Variants in C8orf34 observed in about 807,000 individuals in gnomAD.
C8orf34 encodes the protein chromosome 8 open reading frame 34.
In C8orf34, 65 loss-of-function variants were observed where a neutral mutation model predicts 68.3. The observed-to-expected ratio is 0.95, with a 90% CI of 0.78 to 1.17. The LOEUF (loss-of-function observed/expected upper bound fraction) is 1.17, where lower values mean the gene tolerates loss of function less well. Among genes scored for constraint, C8orf34 ranks in the 50% most tolerant of loss-of-function variants. C8orf34 has a pLI of 0.00. For synonymous variants in C8orf34, 244 were observed against 241.2 expected (o/e 1.01, Z -0.11); for missense variants, 664 against 655.4 (o/e 1.01, Z -0.14).
At chr8:68,694,545 C>G (rs893140933) in intron 8 of C8orf34, among the ~76,000 whole-genome samples, 2 of 152,040 alleles carry the variant, frequency 1.3e-5, no homozygotes, top group African/African-American at 4.8e-5. Context: ...AATTTAACAG[C>G]AATAGCACTG....
chr8:68,516,025 G>A (rs560946783), intron 5 of C8orf34, among the ~76,000 whole-genome samples: 2 of 152,302 alleles, frequency 1.3e-5, no homozygotes, highest in South Asian at 4.1e-4. Context: ...CATCTAATGT[G>A]TTTGTGTAAC....
chr8:68,760,637 A>G (rs1393847305), intron 10 of C8orf34, among the ~76,000 whole-genome samples: 1 of 152,254 alleles, frequency 6.6e-6, no homozygotes, highest in Non-Finnish European at 1.5e-5. Flanking sequence ...GAGCCTAACA[A>G]AGGATTTCAT....
chr8:68,527,435 G>A (rs895603091), intron 6 of C8orf34, among the ~76,000 whole-genome samples: 1 of 152,142 alleles, frequency 6.6e-6, no homozygotes, highest in Non-Finnish European at 1.5e-5. Flanking sequence ...AGCCGGGCGT[G>A]GTGGTGGGCG....
chr8:68,416,511 A>T (rs1008656029), intron 1 of C8orf34, among the ~76,000 whole-genome samples: 4 of 128,976 alleles, frequency 3.1e-5, no homozygotes, highest in Admixed American at 7.9e-5. Flanking sequence ...TATTAAACAT[A>T]CATTTATTTA....
intron 10 of C8orf34, among the ~76,000 whole-genome samples, chr8:68,741,893 T>C (rs951086555): frequency 6.6e-6 from 1 of 152,214 alleles, no homozygotes; most frequent in Non-Finnish European, 1.5e-5. Context: ...TTTAGGTTTA[T>C]AGAATTTCAA....
At chr8:68,515,865 A>G (rs1814489594) in intron 5 of C8orf34, among the ~76,000 whole-genome samples, 1 of 152,250 alleles carries the variant, frequency 6.6e-6, no homozygotes, top group Non-Finnish European at 1.5e-5. Context: ...TGTATGAATC[A>G]GTTCACACTA....
intron 10 of C8orf34, among the ~76,000 whole-genome samples, chr8:68,762,482 C>T (rs1039100428): frequency 1.3e-5 from 2 of 152,204 alleles, no homozygotes; most frequent in African/African-American, 4.8e-5. Flanking sequence ...TTACACTATA[C>T]ATGTTACAAG....
At chr8:68,614,472 T>C (rs1338956126) in intron 7 of C8orf34, among the ~76,000 whole-genome samples, 2 of 152,118 alleles carry the variant, frequency 1.3e-5, no homozygotes, top group Non-Finnish European at 2.9e-5. Context: ...TTGTATAAGG[T>C]ATAAGGAAGG....
At chr8:68,615,574 TTA>T (rs1177717379) in intron 7 of C8orf34, among the ~76,000 whole-genome samples, 3 of 152,212 alleles carry the variant, frequency 2.0e-5, no homozygotes, top group Non-Finnish European at 4.4e-5. Flanking sequence ...TTGGTTCTGT[TTA>T]TATGATGGAT....
At chr8:68,648,277 G>T (rs1819239421) in intron 8 of C8orf34, among the ~76,000 whole-genome samples, 1 of 152,150 alleles carries the variant, frequency 6.6e-6, no homozygotes, top group Non-Finnish European at 1.5e-5. Flanking sequence ...GGTCAGTAAT[G>T]CAAATTGTCA....
intron 1 of C8orf34, among the ~76,000 whole-genome samples, chr8:68,415,409 G>T (rs891343877): frequency 1.3e-5 from 2 of 152,052 alleles, no homozygotes; most frequent in Non-Finnish European, 2.9e-5. Context: ...GAACCCAGGA[G>T]GCAGAAGTTG....
At chr8:68,429,678 C>G in intron 1 of C8orf34, among the ~76,000 whole-genome samples, 1 of 152,242 alleles carries the variant, frequency 6.6e-6, no homozygotes, top group East Asian at 1.9e-4. Flanking sequence ...GAAAACTAAA[C>G]AGCAATGAAA....
rs140986482 is a variant in C8orf34 at position 68,362,560 on chromosome 8, G to A, written c.327+31221G>A. On this transcript the variant is annotated intron_variant, in intron 1 of 13. Coordinates refer to ENST00000518698, the MANE Select transcript of C8orf34 (RefSeq NM_052958.4). ...AGCACGCGGCTGGAGATCTGAGAAC[G>A]GGCAGACTGCCTCTTCAAGTGGGTC... Among the ~76,000 whole-genome samples, 114 of 152,260 alleles carry A rather than the reference G, an allele frequency of 7.5e-4. 2 individuals carry two copies. In the East Asian group the frequency reaches 0.022, roughly 29 times the overall value.
At chr8:68,650,388 G>A (rs1308052740) in intron 8 of C8orf34, among the ~76,000 whole-genome samples, 4 of 151,894 alleles carry the variant, frequency 2.6e-5, no homozygotes, top group Non-Finnish European at 5.9e-5. Flanking sequence ...TGAGGGGGCG[G>A]TGTCTGATTT....
intron 5 of C8orf34, among the ~76,000 whole-genome samples, chr8:68,506,717 T>C (rs1814039456): frequency 6.6e-6 from 1 of 152,232 alleles, no homozygotes; most frequent in Non-Finnish European, 1.5e-5. Flanking sequence ...CATTAACTTG[T>C]GGTATTGACG....
chr8:68,478,448 T>G (rs138050840), intron 4 of C8orf34, among the ~76,000 whole-genome samples: 1 of 152,322 alleles, frequency 6.6e-6, no homozygotes, highest in African/African-American at 2.4e-5. Context: ...CCTATCTTCT[T>G]CTGAGCCCTC....
chr8:68,708,344 A>G (rs1821230530), intron 8 of C8orf34, among the ~76,000 whole-genome samples: 1 of 152,250 alleles, frequency 6.6e-6, no homozygotes, highest in Non-Finnish European at 1.5e-5. Context: ...ATATAAAAGC[A>G]AAGACATAAA....
chr8:68,743,134 G>A (rs1822353817), intron 10 of C8orf34, among the ~76,000 whole-genome samples: 1 of 152,136 alleles, frequency 6.6e-6, no homozygotes, highest in African/African-American at 2.4e-5. Flanking sequence ...ATAATCTGGT[G>A]GTGACTTGAG....
intron 10 of C8orf34, among the ~76,000 whole-genome samples, chr8:68,723,521 T>C (rs1435094158): frequency 1.3e-5 from 2 of 152,160 alleles, no homozygotes; most frequent in African/African-American, 4.8e-5. Context: ...ATTTGGTGAT[T>C]ATAACCTACT....
Sources: allele counts gnomAD v4.1 joint callset (sites outside exome capture counted in the v4.1 genomes callset), GRCh38; gene constraint gnomAD v4.1.1; transcripts MANE v1.5; gene names NCBI Gene and HGNC (gene_info 2026-07-23, HGNC 2026-07-21).